PPP1R21: variants seen among roughly 807,000 people sequenced by gnomAD.
The protein encoded by PPP1R21 is protein phosphatase 1 regulatory subunit 21.
PPP1R21 carries 85 observed loss-of-function variants against 112.8 expected under a neutral mutation model. The observed-to-expected ratio is 0.75, with a 90% CI of 0.63 to 0.90. PPP1R21 has a LOEUF of 0.90. PPP1R21 is among the 40% of genes least tolerant of loss of function. PPP1R21 has a pLI of 0.00. For missense variants in PPP1R21, 1,199 were observed against 901.5 expected (o/e 1.33, Z -4.23); for synonymous variants, 381 against 322.3 (o/e 1.18, Z -1.95).
chr2:48,507,749 C>CTTTTTTTTTTTTTTT lies in PPP1R21; in HGVS notation c.2085+384_2085+398dup, dbSNP rs34546075. ...AAGACTGATTTGAGTGAGGCTCTGC[C>CTTTTTTTTTTTTTTT]TTTTTTTTTTTTTTTTTTTTTTTTT... On this transcript the variant is annotated intron_variant, in intron 19 of 21. Coordinates refer to ENST00000294952, the MANE Select transcript of PPP1R21 (RefSeq NM_001135629.3). Among the ~76,000 whole-genome samples, 18 of 42,392 alleles carry CTTTTTTTTTTTTTTT rather than the reference C, an allele frequency of 4.2e-4. 4 individuals carry two copies. The highest frequency in any genetic ancestry group is 5.1e-4 in the African/African-American group (5 of 9,802). The allele number at this position is 42,392 out of a possible 152,430, so 27.8% of individuals were successfully genotyped here.
In PPP1R21 at chr2:48,511,396, C is replaced by T. The variant is rs373852709; in HGVS notation, c.2241C>T (p.Asp747=). The T allele has an allele frequency of 2.5e-5, 41 of 1,613,734 alleles. No homozygotes were observed. Among genetic ancestry groups the T allele is most frequent in the African/African-American group, 1.9e-4 (14 of 74,838 alleles). The change falls in exon 21 of 22, where the codon GAC becomes GAT. Residue 747 remains aspartate, a synonymous_variant. Transcript: ENST00000294952. The stretch of plus-strand genomic sequence containing the variant: ...AGGATCAGTTAAGTATGATGAGTGA[C>T]CACCTGTGCAGCATGAATGAGACAT... ...SYEDQLSMMS[D]HLCSMNETLS... is the part of the protein sequence containing the mutation.
Position 48,511,471 on chromosome 2 carries a change from A to T in PPP1R21, c.2313+3A>T. ...ACACACTAAAGATGTCCAGTAAGGTATGTGAGGTGAGGTGAGGTAGTCTCT... is the reference window on the plus strand; with the variant it reads ...ACACACTAAAGATGTCCAGTAAGGTTTGTGAGGTGAGGTGAGGTAGTCTCT... On this transcript the variant is annotated splice_donor_region_variant and intron_variant, in intron 21 of 21. Transcript: ENST00000294952. The T allele has an allele frequency of 1.2e-6, 2 of 1,611,792 alleles. No homozygotes were observed. Among genetic ancestry groups the T allele is most frequent in the South Asian group, 2.2e-5 (2 of 90,522 alleles).
chr2:48,509,045 A>G (rs77095482), intron 19 of PPP1R21, among the ~76,000 whole-genome samples: 3,057 of 152,270 alleles, frequency 0.02, 84 homozygotes, highest in African/African-American at 0.067. Context: ...CCTTATCAGA[A>G]AGTTTAGTGA....
intron 12 of PPP1R21, among the ~76,000 whole-genome samples, chr2:48,475,764 G>A (rs981728720): frequency 4.0e-5 from 6 of 151,866 alleles, no homozygotes; most frequent in Admixed American, 1.3e-4. Flanking sequence ...GGAGAATCGC[G>A]TGAGCCTGGG....
intron 18 of PPP1R21, 77 bp from the exon 19 acceptor site, chr2:48,507,192 C>CTTTTTTTTTTTTTTT (rs368842819): frequency 9.8e-7 from 1 of 1,022,090 alleles, no homozygotes. Context: ...AAAATGTTGT[C>CTTTTTTTTTTTTTTT]TTTTTTTTTT....
At chr2:48,465,884 A>G (rs1008567820) in intron 9 of PPP1R21, among the ~76,000 whole-genome samples, 2 of 152,232 alleles carry the variant, frequency 1.3e-5, no homozygotes, top group Non-Finnish European at 2.9e-5. Flanking sequence ...AGACTGAGCA[A>G]TTTACAAAAG....
At chr2:48,457,413 G>C (rs1385853700) in intron 3 of PPP1R21, among the ~76,000 whole-genome samples, 1 of 152,190 alleles carries the variant, frequency 6.6e-6, no homozygotes, top group African/African-American at 2.4e-5. Flanking sequence ...AAAAAGCAGA[G>C]AAAGGGTGGT....
chr2:48,463,228 TTGG>T (rs1668053868), intron 7 of PPP1R21, among the ~76,000 whole-genome samples: 1 of 152,102 alleles, frequency 6.6e-6, no homozygotes, highest in Admixed American at 6.5e-5. Flanking sequence ...TGCAGGGTCC[TTGG>T]TGAGTTCTCC....
chr2:48,465,578 A>G lies in PPP1R21; in HGVS notation c.833A>G (p.Glu278Gly). 1 of 1,613,968 alleles carries G rather than the reference A, an allele frequency of 6.2e-7. No individual in the cohort carries two copies. The highest frequency in any genetic ancestry group is 8.5e-7 in the Non-Finnish European group (1 of 1,179,930). The change falls in exon 9 of 22, where the codon GAA becomes GGA. Residue 278 changes from glutamate to glycine, a missense_variant. Transcript: ENST00000294952. ...CTTCTAAACTTTCATACCTACACAGAACAGAGGATTCAAATTTTTCCTGTT... is the reference window on the plus strand; with the variant it reads ...CTTCTAAACTTTCATACCTACACAGGACAGAGGATTCAAATTTTTCCTGTT... ...TALLNFHTYT[E>G]QRIQIFPVDS...
intron 6 of PPP1R21, 134 bp from the exon 7 acceptor site, chr2:48,461,004 T>C (rs1464963079): frequency 2.9e-6 from 4 of 1,389,644 alleles, no homozygotes; most frequent in Non-Finnish European, 3.7e-6. Context: ...TTTTAACAAC[T>C]CTCTGCCAAG....
At chr2:48,473,805 A>G (rs554156573) in intron 11 of PPP1R21, among the ~76,000 whole-genome samples, 1 of 152,206 alleles carries the variant, frequency 6.6e-6, no homozygotes, top group East Asian at 1.9e-4. Context: ...AAGACACTAC[A>G]TTTTTTAAAA....
At chr2:48,452,979 A>C (rs1372435221) in intron 2 of PPP1R21, among the ~76,000 whole-genome samples, 1 of 143,058 alleles carries the variant, frequency 7.0e-6, no homozygotes, top group African/African-American at 2.6e-5. Flanking sequence ...TTTGAGACAG[A>C]GTCTTACTCT....
rs143390930 is a variant in PPP1R21 at position 48,479,983 on chromosome 2, G to T, written c.1285G>T (p.Ala429Ser). ...CAGTTCTGTGTTAACAAATGTTGGT[G>T]CTGCTCTGCATGGATTTCATGACGT... ...NYSSVLTNVGAALHGFHDVMK... is the reference protein window; with the variant it reads ...NYSSVLTNVGSALHGFHDVMK... The change falls in exon 13 of 22, where the codon GCT (alanine) becomes TCT (serine). Residue 429 changes from alanine (A) to serine (S), a missense_variant. Ala to Ser is a moderately conservative substitution (Grantham distance 99). Coordinates refer to ENST00000294952, the MANE Select transcript of PPP1R21 (RefSeq NM_001135629.3). The T allele has an allele frequency of 6.2e-7, 1 of 1,613,120 alleles. No individual in the cohort carries two copies. Among genetic ancestry groups the T allele is most frequent in the Admixed American group, 1.7e-5 (1 of 60,024 alleles).
chr2:48,465,409 G>GT, intron 8 of PPP1R21, 84 bp from the exon 9 acceptor site: 1 of 1,251,552 alleles, frequency 8.0e-7, no homozygotes, highest in South Asian at 1.5e-5. Flanking sequence ...GGATTCAAAT[G>GT]TTTTCTCCAG....
At chr2:48,468,312 T>G (rs1312736277) in intron 9 of PPP1R21, among the ~76,000 whole-genome samples, 3 of 152,186 alleles carry the variant, frequency 2.0e-5, no homozygotes, top group Non-Finnish European at 4.4e-5. Context: ...GTCTTACACA[T>G]AGGAAGCCAT....
Position 48,507,259 on chromosome 2 carries a change from T to C in PPP1R21, c.1969-10T>C, listed in dbSNP as rs199551131. On this transcript the variant is annotated splice_polypyrimidine_tract_variant and intron_variant, in intron 18 of 21. Transcript: ENST00000294952. ...ACTTGTTTATTTATGTGTATTTGTG[T>C]TCTATTTAGGTTCCAGATGTGGAAT... 2.0e-3 allele frequency: 3,071 copies of C among 1,533,598 alleles called. 4 individuals carry two copies. The highest frequency in any genetic ancestry group is 2.5e-3 in the Non-Finnish European group (2,851 of 1,150,310). The allele number at this position is 1,533,598 out of a possible 1,614,324, so 95.0% of individuals were successfully genotyped here.
In PPP1R21 at chr2:48,507,290, G is replaced by T. The variant is rs1670426437; in HGVS notation, c.1990G>T (p.Glu664Ter). ...DSEVPDVESR[E>*]DLIKNHYMAR... Reference sequence around the variant, plus strand: ...TTAGGTTCCAGATGTGGAATCTCGTGAAGACTTAATTAAAAATCACTACAT... The same window carrying T: ...TTAGGTTCCAGATGTGGAATCTCGTTAAGACTTAATTAAAAATCACTACAT... The change falls in exon 19 of 22, where the codon GAA becomes TAA. Residue 664 changes from glutamate to a stop codon, truncating the protein, a stop_gained. Transcript: ENST00000294952. LOFTEE classifies it high-confidence loss of function. The T allele has an allele frequency of 1.3e-6, 2 of 1,566,866 alleles. No homozygotes were observed. Among genetic ancestry groups the T allele is most frequent in the Non-Finnish European group, 1.7e-6 (2 of 1,162,996 alleles).
intron 1 of PPP1R21, 90 bp downstream of exon 1, chr2:48,441,100 G>A: frequency 1.1e-6 from 1 of 902,516 alleles, no homozygotes; most frequent in Non-Finnish European, 1.8e-6. Context: ...GGGGTACTGC[G>A]GGAGGGGCAC....
chr2:48,506,818 C>T (rs548894880), intron 18 of PPP1R21, among the ~76,000 whole-genome samples: 121 of 152,052 alleles, frequency 8.0e-4, no homozygotes, highest in African/African-American at 2.7e-3. Flanking sequence ...TGGTGGCGGG[C>T]GCCTGTGGTC....
Sources: allele counts gnomAD v4.1 joint callset (sites outside exome capture counted in the v4.1 genomes callset), GRCh38; gene constraint gnomAD v4.1.1; transcripts MANE v1.5; gene names NCBI Gene and HGNC (gene_info 2026-07-23, HGNC 2026-07-21).